The following NLRC3 variants were observed in gnomAD, a reference collection of about 807,000 sequenced individuals.
NLRC3 encodes NLR family CARD domain containing 3.
In NLRC3, 87 loss-of-function variants were observed where a neutral mutation model predicts 91.6. That is an observed-to-expected ratio of 0.95 (90% CI 0.80 to 1.14). The LOEUF (loss-of-function observed/expected upper bound fraction) is 1.14, where lower values mean the gene tolerates loss of function less well. NLRC3 is among the 50% of genes most tolerant of loss of function. The pLI is 0.00. For missense variants in NLRC3, 1,577 were observed against 1,418.6 expected, an observed-to-expected ratio of 1.11 and a Z score of -1.79; for synonymous variants, 694 against 625.3, an observed-to-expected ratio of 1.11 and a Z score of -1.64.
In NLRC3 at chr16:3,549,756, G is replaced by A. The variant is rs374508439; in HGVS notation, c.2460C>T (p.Asp820=). 33 of 1,550,946 alleles carry A rather than the reference G, an allele frequency of 2.1e-5. No homozygotes were observed. The African/African-American group carries it at 2.3e-4, about 11-fold the overall frequency. Residue 820 remains aspartate (D), a synonymous_variant, in exon 12 of 20, where the codon GAC becomes GAT. Coordinates refer to ENST00000359128, the MANE Select transcript of NLRC3 (RefSeq NM_178844.4). ...SLDLQSNSIS[D]AGVAALMGAL... is the part of the protein sequence containing the mutation. Reference sequence around the variant, plus strand: ...CCCCCATCAGTGCTGCCACTCCTGCGTCACTGATGGAATTGCTCTGCAGGC... The same window carrying A: ...CCCCCATCAGTGCTGCCACTCCTGCATCACTGATGGAATTGCTCTGCAGGC...
chr16:3,557,192 G>T (rs2039383753), intron 7 of NLRC3, among the ~76,000 whole-genome samples, 198 bp from the exon 8 acceptor site: 3 of 152,304 alleles, frequency 2.0e-5, no homozygotes, highest in South Asian at 4.1e-4. Flanking sequence ...TCAGGTGTTG[G>T]GGGAAAGAAA....
In NLRC3 at chr16:3,563,335, C is replaced by T. The variant is rs2039697528; in HGVS notation, c.1602G>A (p.Leu534=). 1 of 1,594,174 alleles carries T rather than the reference C, an allele frequency of 6.3e-7. No homozygotes were observed. The highest frequency in any genetic ancestry group is 8.5e-7 in the Non-Finnish European group (1 of 1,171,516). The part of the protein sequence containing the change: ...RVNALLAGSL[L]AQGEHQAYRT... The stretch of plus-strand genomic sequence containing the variant: ...GGTAGGCCTGGTGCTCGCCTTGGGC[C>T]AGCAGGGAGCCGGCCAGGAGGGCAT... Residue 534 remains leucine, a synonymous_variant, in exon 5 of 20, where the codon CTG becomes CTA. Transcript: ENST00000359128.
chr16:3,544,389 C>T (rs2038577140), intron 15 of NLRC3, 60 bp from the exon 16 acceptor site: 8 of 1,230,394 alleles, frequency 6.5e-6, no homozygotes, highest in South Asian at 2.4e-5. Flanking sequence ...CTAGCAAGGC[C>T]CTGCCGCACT....
chr16:3,570,338 C>T (rs1567154901), intron 1 of NLRC3, among the ~76,000 whole-genome samples: 1 of 152,162 alleles, frequency 6.6e-6, no homozygotes, highest in East Asian at 1.9e-4. Flanking sequence ...TTGATATAAA[C>T]ATATGATTTA....
intron 15 of NLRC3, among the ~76,000 whole-genome samples, chr16:3,546,683 C>G (rs2038708976): frequency 6.6e-6 from 1 of 152,174 alleles, no homozygotes; most frequent in African/African-American, 2.4e-5. Context: ...AGAGAGAATG[C>G]AGGGACCCTG....
chr16:3,575,557 C>T (rs1343137314), intron 1 of NLRC3, among the ~76,000 whole-genome samples: 1 of 152,200 alleles, frequency 6.6e-6, no homozygotes, highest in Non-Finnish European at 1.5e-5. Flanking sequence ...GCTGCCTCCT[C>T]CCCGGGAGCC....
intron 15 of NLRC3, among the ~76,000 whole-genome samples, chr16:3,547,112 G>T (rs1048370555): frequency 6.6e-6 from 1 of 152,192 alleles, no homozygotes; most frequent in Non-Finnish European, 1.5e-5. Context: ...GTCCACAGCA[G>T]CACCGTTCCT....
intron 14 of NLRC3, 69 bp from the exon 15 acceptor site, chr16:3,548,287 G>C: frequency 8.2e-7 from 1 of 1,216,856 alleles, no homozygotes. Context: ...GAGCCAAGGA[G>C]GCTCTGATGG....
intron 1 of NLRC3, among the ~76,000 whole-genome samples, chr16:3,571,544 T>TAAA (rs77866901): frequency 3.4e-5 from 4 of 118,184 alleles, no homozygotes; most frequent in Non-Finnish European, 7.2e-5. Context: ...ACCCTGGCTT[T>TAAA]AAAAAAAAAA....
chr16:3,548,073 G>A, intron 15 of NLRC3, 62 bp downstream of exon 15: 3 of 1,171,586 alleles, frequency 2.6e-6, no homozygotes, highest in Non-Finnish European at 3.7e-6. Context: ...TGGGTACCAG[G>A]TTTTCAGATT....
At position 3,564,931 on chromosome 16, in the gene NLRC3, C is replaced by A. The variant is rs759704103; in HGVS notation, c.106G>T (p.Gly36Cys). The change falls in exon 4 of 20, where the codon GGC becomes TGC. Residue 36 changes from glycine (G) to cysteine (C), a missense_variant. Coordinates refer to ENST00000359128, the MANE Select transcript of NLRC3 (RefSeq NM_178844.4). This position sits in a 1 kb window ranked among gnomAD's most constrained non-coding sequence, Gnocchi z 5.9. ...KALMDLLAGK[G>C]SQGSQAPQAL... The stretch of plus-strand genomic sequence containing the variant: ...TGCGGGGCCTGGGAGCCTTGACTGC[C>A]CTTCCCAGCCAGCAGATCCATGAGG... 10 of 1,610,494 alleles carry A rather than the reference C, an allele frequency of 6.2e-6. No individual in the cohort carries two copies. Among genetic ancestry groups the A allele is most frequent in the Non-Finnish European group, 8.5e-6 (10 of 1,179,716 alleles).
chr16:3,576,882 C>T (rs2040322474), intron 1 of NLRC3, among the ~76,000 whole-genome samples: 1 of 152,154 alleles, frequency 6.6e-6, no homozygotes, highest in Non-Finnish European at 1.5e-5. Flanking sequence ...GTTGGCCAGG[C>T]TAGTCTCAAA....
In NLRC3 at chr16:3,548,689, G is replaced by A. The variant is rs754374822; in HGVS notation, c.2668C>T (p.Arg890Cys). 31 of 1,594,238 alleles carry A rather than the reference G, an allele frequency of 1.9e-5. No individual in the cohort carries two copies. The highest frequency in any genetic ancestry group is 1.4e-4 in the East Asian group (6 of 44,054). Residue 890 changes from arginine to cysteine, a missense_variant, in exon 14 of 20, where the codon CGC (arginine) becomes TGC (cysteine). Transcript: ENST00000359128. ...RAIAVAVREN[R>C]TLTSLHLQWN... is the part of the protein sequence containing the mutation. ...ACTCACTGAAGGGAGGTGAGGGTGC[G>A]GTTTTCTCTCACTGCCACTGCGATG...
intron 1 of NLRC3, among the ~76,000 whole-genome samples, chr16:3,575,643 T>G (rs932204309): frequency 1.3e-5 from 2 of 152,180 alleles, no homozygotes; most frequent in Non-Finnish European, 2.9e-5. Context: ...CCTGGTGTGG[T>G]GTGGGCTCAA....
rs750548540 is a variant in NLRC3, at chr16:3,563,077, C to G, written c.1860G>C (p.Leu620=). Reference sequence around the variant, plus strand: ...GGACGCCCTGGCTGAGGCTCAGGGACAGGTTGGCCTCCTGGGCACAGGCGT... The same window carrying G: ...GGACGCCCTGGCTGAGGCTCAGGGAGAGGTTGGCCTCCTGGGCACAGGCGT... ...VSDACAQEAN[L]SLSLSQGVLQ... is the part of the protein sequence containing the mutation. The change falls in exon 5 of 20, where the codon CTG becomes CTC. Residue 620 remains leucine, a synonymous_variant. Transcript: ENST00000359128. 18 of 1,568,278 alleles carry G rather than the reference C, an allele frequency of 1.1e-5. No homozygotes were observed. Among genetic ancestry groups the G allele is most frequent in the Middle Eastern group, 1.8e-4 (1 of 5,694 alleles).
chr16:3,552,349 G>T, intron 9 of NLRC3, 70 bp from the exon 10 acceptor site: 1 of 1,132,662 alleles, frequency 8.8e-7, no homozygotes, highest in Non-Finnish European at 1.3e-6. Flanking sequence ...GGACGGTTCA[G>T]GTTCAAGGTC....
intron 15 of NLRC3, among the ~76,000 whole-genome samples, chr16:3,547,399 G>T (rs2038745801): frequency 6.6e-6 from 1 of 152,144 alleles, no homozygotes. Context: ...ATTAGTGGTT[G>T]CCAGGGTTGG....
At chr16:3,573,910 C>A (rs1181220103) in intron 1 of NLRC3, among the ~76,000 whole-genome samples, 1 of 151,598 alleles carries the variant, frequency 6.6e-6, no homozygotes, top group Non-Finnish European at 1.5e-5. Context: ...CCTCGACCTC[C>A]TGGGCTCAAG....
rs905258787 is a variant in NLRC3, at chr16:3,543,184, C to T, written c.2939+241G>A. On this transcript the variant is annotated intron_variant, in intron 17 of 19. Transcript: ENST00000359128. ...GAGAACAAGATCAGCCCCCCTGGGA[C>T]CCATAAACCAGGCCTCTAGACGTGT... 3.8e-5 allele frequency: 20 copies of T among 520,792 alleles called. No individual in the cohort carries two copies. The Admixed American group carries it at 4.8e-4, about 12-fold the overall frequency. 32.3% of individuals were successfully genotyped at this position (520,792 alleles called of 1,614,324 possible).
Sources: gnomAD v4.1 joint callset for allele counts (sites outside exome capture counted in the v4.1 genomes callset) on GRCh38, gnomAD v4.1.1 for gene constraint, Gnocchi (gnomAD v3.1) non-coding constraint, MANE v1.5 for transcripts, NCBI Gene and HGNC (gene_info 2026-07-23, HGNC 2026-07-21) for gene names.